The following HDGFL3 variants were observed in gnomAD, a reference collection of about 807,000 sequenced individuals.
HDGFL3 encodes HDGF like 3, also known as hepatoma-derived growth factor-related protein 3.
In HDGFL3, 6 loss-of-function variants were observed where a neutral mutation model predicts 27.6. That is an observed-to-expected ratio of 0.22 (90% CI 0.12 to 0.43). HDGFL3 has a LOEUF of 0.43. HDGFL3 is among the 20% of genes least tolerant of loss of function. HDGFL3 has a pLI of 1.00. For synonymous variants in HDGFL3, 88 were observed against 88.9 expected, an observed-to-expected ratio of 0.99 and a Z score of 0.05; for missense variants, 207 against 250.1, an observed-to-expected ratio of 0.83 and a Z score of 1.16.
At chr15:83,123,524 T>G (rs2035459802), downstream of HDGFL3, among the ~76,000 whole-genome samples, 2 of 152,262 alleles carry the variant, frequency 1.3e-5, no homozygotes, top group Admixed American at 6.5e-5. Flanking sequence ...AAAACTGATA[T>G]ATGAAAATAT....
chr15:83,125,216 G>A (rs891244100), downstream of HDGFL3, among the ~76,000 whole-genome samples: 3 of 152,190 alleles, frequency 2.0e-5, no homozygotes, highest in Non-Finnish European at 4.4e-5. Context: ...CGTGTATGTA[G>A]GGTCATGGGA....
chr15:83,125,038 C>T (rs2035608524), downstream of HDGFL3, among the ~76,000 whole-genome samples: 1 of 152,148 alleles, frequency 6.6e-6, no homozygotes, highest in South Asian at 2.1e-4. Context: ...AAAAAATCAG[C>T]CATCAGAGTC....
chr15:83,178,264 ATTTTG>A (rs2037337217), intron 1 of HDGFL3, among the ~76,000 whole-genome samples: 1 of 152,208 alleles, frequency 6.6e-6, no homozygotes, highest in South Asian at 2.1e-4. Context: ...CAAAGCTAGA[ATTTTG>A]TTTTCTGTGT....
intron 1 of HDGFL3, among the ~76,000 whole-genome samples, chr15:83,196,206 T>A (rs1449752082): frequency 6.6e-6 from 1 of 151,566 alleles, no homozygotes; most frequent in African/African-American, 2.4e-5. Flanking sequence ...TATTTGTCCA[T>A]TATATTTATT....
chr15:83,176,561 CTTA>C (rs1296825247), intron 1 of HDGFL3, among the ~76,000 whole-genome samples: 2 of 152,094 alleles, frequency 1.3e-5, no homozygotes, highest in Non-Finnish European at 2.9e-5. Flanking sequence ...CCATAGAAAA[CTTA>C]TTATCAGAGT....
chr15:83,148,156 G>A (rs762474748), intron 5 of HDGFL3, among the ~76,000 whole-genome samples: 2 of 152,182 alleles, frequency 1.3e-5, no homozygotes, highest in African/African-American at 4.8e-5. Flanking sequence ...CACACCTCTG[G>A]TGAGAATGTC....
chr15:83,125,093 C>A (rs1045000579), downstream of HDGFL3, among the ~76,000 whole-genome samples: 2 of 152,138 alleles, frequency 1.3e-5, no homozygotes, highest in African/African-American at 4.8e-5. Context: ...ATGTAAATAT[C>A]TTTGGTAAGG....
chr15:83,119,834 C>T (rs770042553), intron 3 of HDGFL3: 4 of 1,177,604 alleles, frequency 3.4e-6, no homozygotes, highest in South Asian at 1.6e-5. Flanking sequence ...GCTTTATCCT[C>T]CTTGTACCAC....
intron 1 of HDGFL3, among the ~76,000 whole-genome samples, chr15:83,173,016 C>T (rs1298544459): frequency 1.3e-5 from 2 of 152,132 alleles, no homozygotes; most frequent in African/African-American, 2.4e-5. Context: ...CCACAAACTT[C>T]AATCCTGTGT....
exon 4 of HDGFL3, chr15:83,114,585 C>T (rs62010208): frequency 0.031 from 4,709 of 152,736 alleles, 107 homozygotes; most frequent in Non-Finnish European, 0.047. Flanking sequence ...TTTGTTCCTT[C>T]TGGGGAGAAT....
chr15:83,151,179 A>G, intron 5 of HDGFL3, 36 bp downstream of exon 5: 2 of 1,587,934 alleles, frequency 1.3e-6, no homozygotes, highest in South Asian at 1.1e-5. Context: ...AATGTCTTCT[A>G]ATAGAAGGTA....
chr15:83,149,330 G>C (rs1228621798), intron 5 of HDGFL3, among the ~76,000 whole-genome samples: 1 of 152,178 alleles, frequency 6.6e-6, no homozygotes, highest in Non-Finnish European at 1.5e-5. Context: ...TTAGTGGTTA[G>C]AACAATGAAT....
chr15:83,119,943 T>G (rs1388141796), intron 3 of HDGFL3: 1 of 385,814 alleles, frequency 2.6e-6, no homozygotes, highest in Non-Finnish European at 4.6e-6. Context: ...AAGAATAATT[T>G]TTATTTTCAG....
intron 4 of HDGFL3, among the ~76,000 whole-genome samples, chr15:83,153,913 G>A (rs990161597): frequency 6.6e-6 from 1 of 152,088 alleles, no homozygotes. Flanking sequence ...TGAGGTAGAG[G>A]AGACAGGTGT....
intron 3 of HDGFL3, among the ~76,000 whole-genome samples, chr15:83,120,330 C>T (rs192507625): frequency 1.2e-4 from 19 of 152,350 alleles, no homozygotes; most frequent in African/African-American, 4.3e-4. Flanking sequence ...AAGTGAACGA[C>T]GTGCTCTTGG....
downstream of HDGFL3, chr15:83,126,932 C>T: frequency 9.5e-7 from 1 of 1,053,310 alleles, no homozygotes; most frequent in Non-Finnish European, 1.4e-6. Flanking sequence ...GTGGCTCACG[C>T]CTGTAATCCC....
chr15:83,158,062 T>C, intron 2 of HDGFL3, 21 bp from the exon 3 acceptor site: 4 of 1,581,184 alleles, frequency 2.5e-6, no homozygotes, highest in Non-Finnish European at 2.6e-6. Context: ...ATATTAGAAA[T>C]AGAATTGACA....
intron 4 of HDGFL3, 36 bp downstream of exon 4, chr15:83,157,379 T>C: frequency 1.3e-6 from 2 of 1,567,248 alleles, no homozygotes; most frequent in Non-Finnish European, 1.8e-6. Context: ...TGGATATGCA[T>C]ATAACATTAA....
intron 5 of HDGFL3, among the ~76,000 whole-genome samples, chr15:83,143,077 A>G (rs2036813207): frequency 6.6e-6 from 1 of 152,006 alleles, no homozygotes; most frequent in South Asian, 2.1e-4. Context: ...GTACAGTGGC[A>G]CAATCTCAGC....
Sources: gnomAD v4.1 joint callset for allele counts (sites outside exome capture counted in the v4.1 genomes callset) on GRCh38, gnomAD v4.1.1 for gene constraint, MANE v1.5 for transcripts, NCBI Gene and HGNC (gene_info 2026-07-23, HGNC 2026-07-21) for gene names.